The following SCFD2 variants were observed in gnomAD, a reference collection of about 807,000 sequenced individuals.
The protein encoded by SCFD2 is sec1 family domain containing 2.
A neutral mutation model predicts 58.9 loss-of-function variants in SCFD2; 54 were observed. The ratio of observed to expected loss-of-function variants is 0.92; its 90% CI spans 0.74 to 1.15. The LOEUF (loss-of-function observed/expected upper bound fraction) is 1.15, where lower values mean the gene tolerates loss of function less well. SCFD2 is among the 50% of genes most tolerant of loss of function. The probability of loss-of-function intolerance (pLI) is 0.00; values close to 1 mark genes in which losing one functional copy is unlikely to be tolerated. For synonymous variants in SCFD2, 321 were observed against 335.9 expected, an observed-to-expected ratio of 0.96 and a Z score of 0.49; for missense variants, 805 against 836.6, an observed-to-expected ratio of 0.96 and a Z score of 0.47.
At chr4:53,105,880 A>AC (rs930109080) in intron 5 of SCFD2, among the ~76,000 whole-genome samples, 3 of 90,898 alleles carry the variant, frequency 3.3e-5, no homozygotes, top group African/African-American at 1.2e-4. Flanking sequence ...TGACCCCCCC[A>AC]CCCCCCGCCT....
rs759227950 is a variant in SCFD2, at chr4:53,365,488, C to T, written c.454G>A (p.Glu152Lys). Residue 152 changes from glutamate (E) to lysine (K), a missense_variant, in exon 1 of 9, where the codon GAG (glutamate) becomes AAG (lysine). By Grantham distance (56) the Glu-to-Lys change is moderately conservative. Transcript: ENST00000401642. This position sits in a 1 kb window ranked among gnomAD's most constrained non-coding sequence, Gnocchi z 4.3. ...AGCAATAACGGGACATGGAACACCT[C>T]GGCCGTGTAGTTCATGTTGCCCATC... ...EWMGNMNYTA[E>K]VFHVPLLLAP... 1.9e-6 allele frequency: 3 copies of T among 1,614,092 alleles called. No individual in the cohort carries two copies. The highest frequency in any genetic ancestry group is 2.7e-5 in the African/African-American group (2 of 74,926).
At chr4:53,070,381 A>G (rs984752329) in intron 5 of SCFD2, among the ~76,000 whole-genome samples, 12 of 152,234 alleles carry the variant, frequency 7.9e-5, no homozygotes, top group African/African-American at 2.6e-4. Context: ...GATGTTCACT[A>G]GGCTTCATTA....
At chr4:52,960,133 G>C (rs1720811160) in intron 5 of SCFD2, among the ~76,000 whole-genome samples, 1 of 151,878 alleles carries the variant, frequency 6.6e-6, no homozygotes, top group Non-Finnish European at 1.5e-5. Flanking sequence ...CTTACCTTTT[G>C]GCCTATTTAT....
chr4:53,145,518 G>A lies in SCFD2; in HGVS notation c.1376C>T (p.Thr459Ile), dbSNP rs762366899. The change falls in exon 5 of 9, where the codon ACC becomes ATC. Residue 459 changes from threonine to isoleucine, a missense_variant. Coordinates refer to ENST00000401642, the MANE Select transcript of SCFD2 (RefSeq NM_152540.4). ...NQLLPMIKPV[T>I]QRTNEDYSPE... is the part of the protein sequence containing the mutation. ...GCTGTAGTCCTCGTTGGTTCTCTGG[G>A]TTACAGGCTTAATCATGGGCAGCAG... The A allele has an allele frequency of 1.2e-5, 20 of 1,614,076 alleles. No individual in the cohort carries two copies. Among genetic ancestry groups the A allele is most frequent in the East Asian group, 6.7e-5 (3 of 44,882 alleles).
intron 5 of SCFD2, among the ~76,000 whole-genome samples, chr4:53,141,885 A>T (rs1254924255): frequency 1.3e-5 from 2 of 152,122 alleles, no homozygotes; most frequent in African/African-American, 2.4e-5. Flanking sequence ...CTGTATTATT[A>T]TAGTTCTATC....
At chr4:52,890,124 C>G (rs1023602785) in intron 7 of SCFD2, among the ~76,000 whole-genome samples, 4 of 152,228 alleles carry the variant, frequency 2.6e-5, no homozygotes, top group Non-Finnish European at 5.9e-5. Context: ...TCCAGCCCTA[C>G]AAACAATTGT....
intron 5 of SCFD2, among the ~76,000 whole-genome samples, chr4:52,928,061 G>A (rs1169409694): frequency 1.3e-5 from 2 of 152,138 alleles, no homozygotes; most frequent in African/African-American, 4.8e-5. Flanking sequence ...TAGGCTAGGT[G>A]CAGTGGTTCA....
chr4:52,979,918 T>C (rs1324997090), intron 5 of SCFD2, among the ~76,000 whole-genome samples: 6 of 152,172 alleles, frequency 3.9e-5, no homozygotes, highest in Non-Finnish European at 8.8e-5. Flanking sequence ...GTCACCAGTT[T>C]CTTCTCTGTT....
chr4:53,127,750 G>A (rs1361410376), intron 5 of SCFD2, among the ~76,000 whole-genome samples: 3 of 151,940 alleles, frequency 2.0e-5, no homozygotes, highest in African/African-American at 7.3e-5. Context: ...TGGGACAGAG[G>A]GAATGAAAGA....
intron 4 of SCFD2, among the ~76,000 whole-genome samples, chr4:53,183,713 A>G (rs1415029463): frequency 6.6e-6 from 1 of 152,110 alleles, no homozygotes; most frequent in East Asian, 1.9e-4. Flanking sequence ...TAAAATAAGA[A>G]CATGCCTAAA....
In SCFD2 at chr4:53,331,823, A is replaced by G. The variant is rs377712864; in HGVS notation, c.1008-18060T>C. 9.5e-4 allele frequency among the ~76,000 whole-genome samples: 145 copies of G among 151,842 alleles called. 2 individuals are homozygous for G. Among genetic ancestry groups the G allele is most frequent in the South Asian group, 5.4e-3 (26 of 4,800 alleles). On this transcript the variant is annotated intron_variant, in intron 2 of 8. Coordinates refer to ENST00000401642, the MANE Select transcript of SCFD2 (RefSeq NM_152540.4). Reference sequence around the variant, plus strand: ...GAATCCAGGAGCTGGTTTTTTGAAAAGATCAACAAAATTGATAGACCGCTA... The same window carrying G: ...GAATCCAGGAGCTGGTTTTTTGAAAGGATCAACAAAATTGATAGACCGCTA...
chr4:53,042,917 C>G (rs771182044), intron 5 of SCFD2, among the ~76,000 whole-genome samples: 38 of 151,914 alleles, frequency 2.5e-4, no homozygotes, highest in Non-Finnish European at 5.0e-4. Context: ...TCTTCACAGC[C>G]GGAGGTATTA....
rs60960188 is a variant in SCFD2 at position 53,322,242 on chromosome 4, C to A, written c.1008-8479G>T. Among the ~76,000 whole-genome samples the A allele has an allele frequency of 8.8e-3, 1,335 of 152,182 alleles. 19 individuals carry two copies. The highest frequency in any genetic ancestry group is 0.03 in the African/African-American group (1,259 of 41,512). On this transcript the variant is annotated intron_variant, in intron 2 of 8. Transcript: ENST00000401642. Reference sequence around the variant, plus strand: ...CTGTTTTAGCTTGCAGTAAAGAAGCCGACCAAAACCCACCAAAACCAAGAT... The same window carrying A: ...CTGTTTTAGCTTGCAGTAAAGAAGCAGACCAAAACCCACCAAAACCAAGAT...
chr4:53,239,233 G>T (rs1381957199), intron 4 of SCFD2, among the ~76,000 whole-genome samples: 1 of 151,974 alleles, frequency 6.6e-6, no homozygotes, highest in African/African-American at 2.4e-5. Context: ...GTCTGCAATC[G>T]CAGGCACTCG....
intron 5 of SCFD2, among the ~76,000 whole-genome samples, chr4:53,094,134 G>A (rs1724550734): frequency 6.6e-6 from 1 of 152,028 alleles, no homozygotes; most frequent in African/African-American, 2.4e-5. Context: ...TTTCCTAACT[G>A]GTGAATGGAA....
intron 5 of SCFD2, among the ~76,000 whole-genome samples, chr4:53,047,212 C>G (rs1309797511): frequency 6.6e-6 from 1 of 152,162 alleles, no homozygotes; most frequent in Non-Finnish European, 1.5e-5. Context: ...CTTTGAGAGG[C>G]TGAGGCAGGA....
At chr4:52,900,243 T>A (rs1386461521) in intron 7 of SCFD2, among the ~76,000 whole-genome samples, 1 of 152,226 alleles carries the variant, frequency 6.6e-6, no homozygotes, top group Non-Finnish European at 1.5e-5. Flanking sequence ...TTCGAGTTTC[T>A]GGTTTTTCTG....
intron 4 of SCFD2, among the ~76,000 whole-genome samples, chr4:53,249,698 C>CCAAA (rs1014786196): frequency 1.3e-5 from 2 of 152,120 alleles, no homozygotes; most frequent in Admixed American, 1.3e-4. Flanking sequence ...TCATATCCAG[C>CCAAA]CAAACTAACC....
intron 5 of SCFD2, among the ~76,000 whole-genome samples, chr4:52,972,329 A>G (rs375341063): frequency 8.3e-4 from 127 of 152,310 alleles, no homozygotes; most frequent in Non-Finnish European, 1.5e-3. Flanking sequence ...AAGATCTACC[A>G]AGCAAATGGA....
Sources: gnomAD v4.1 joint callset for allele counts (sites outside exome capture counted in the v4.1 genomes callset) on GRCh38, gnomAD v4.1.1 for gene constraint, Gnocchi (gnomAD v3.1) non-coding constraint, MANE v1.5 for transcripts, NCBI Gene and HGNC (gene_info 2026-07-23, HGNC 2026-07-21) for gene names.